The following PCA3 variants were observed in gnomAD, a reference collection of about 807,000 sequenced individuals.
The protein encoded by PCA3 is prostate cancer associated 3.
At chr9:76,781,626 CTTAAA>C (rs1414679289) in intron 2 of PCA3, among the ~76,000 whole-genome samples, 2 of 152,182 alleles carry the variant, frequency 1.3e-5, no homozygotes, top group African/African-American at 4.8e-5. Flanking sequence ...CTTCATAGCA[CTTAAA>C]TTAGTTTGAA....
At chr9:76,766,675 CTCG>C (rs1270166218) in intron 2 of PCA3, among the ~76,000 whole-genome samples, 1 of 152,108 alleles carries the variant, frequency 6.6e-6, no homozygotes, top group East Asian at 1.9e-4. Flanking sequence ...TCCAGTCACA[CTCG>C]TCTTCTTCAA....
chr9:76,784,922 T>G (rs1350641304), intron 2 of PCA3: 1 of 152,248 alleles, frequency 6.6e-6, no homozygotes, highest in Non-Finnish European at 1.5e-5. Flanking sequence ...TAACTTTTTT[T>G]TTTAACCTGG....
chr9:76,765,540 A>G lies in PCA3; in HGVS notation n.852+28925A>G, dbSNP rs1355056299. On this transcript the variant is annotated intron_variant and non_coding_transcript_variant, in intron 2 of 5. Transcript: ENST00000644657. ...ATAATTGCATTCTAGCAATTAGCAC[A>G]CTGTCTGATGGGGAGGTGGCTCAAT... Among the ~76,000 whole-genome samples, 3 of 152,184 alleles carry G rather than the reference A, an allele frequency of 2.0e-5. No homozygotes were observed. In the East Asian group the frequency reaches 5.8e-4, roughly 29 times the overall value.
chr9:76,786,188 G>T (rs980010015), intron 2 of PCA3: 3 of 151,978 alleles, frequency 2.0e-5, no homozygotes, highest in African/African-American at 4.8e-5. Context: ...GACAGCTCAG[G>T]TGCTTTCACT....
At chr9:76,768,278 C>T (rs903167509) in intron 2 of PCA3, among the ~76,000 whole-genome samples, 22 of 152,108 alleles carry the variant, frequency 1.4e-4, no homozygotes, top group Admixed American at 6.6e-4. Context: ...CTGCAACCTC[C>T]GCCTCCTGGG....
intron 2 of PCA3, among the ~76,000 whole-genome samples, chr9:76,768,573 A>ATGTGTGTGTG (rs1281648480): frequency 8.4e-6 from 1 of 118,744 alleles, no homozygotes; most frequent in South Asian, 2.6e-4. Flanking sequence ...TGATATATAT[A>ATGTGTGTGTG]TGTATATGTA....
chr9:76,774,450 C>CTTTTTTTATTTATTTATTTATTTTTTT (rs1564272256), intron 2 of PCA3, among the ~76,000 whole-genome samples: 17 of 41,394 alleles, frequency 4.1e-4, no homozygotes, highest in East Asian at 2.1e-3. Flanking sequence ...CAGTTCAACC[C>CTTTTTTTATTTATTTATTTATTTTTTT]TTTTTTTTTT....
intron 2 of PCA3, chr9:76,787,363 G>C (rs1344204625): frequency 6.6e-6 from 1 of 150,716 alleles, no homozygotes; most frequent in Admixed American, 6.6e-5. Context: ...TATTTTTATT[G>C]CTGACTTTTA....
At chr9:76,766,302 C>A (rs995736962) in intron 2 of PCA3, among the ~76,000 whole-genome samples, 5 of 151,952 alleles carry the variant, frequency 3.3e-5, no homozygotes, top group Non-Finnish European at 5.9e-5. Flanking sequence ...TATGTTCACT[C>A]CCCAGGCAAA....
In PCA3 at chr9:76,771,885, T is replaced by C. The variant is rs900016173; in HGVS notation, n.852+35270T>C. Among the ~76,000 whole-genome samples, 3 of 152,186 alleles carry C rather than the reference T, an allele frequency of 2.0e-5. No homozygotes were observed. The East Asian group carries it at 5.8e-4, about 29-fold the overall frequency. ...CCCTAAGTGAGAAAGGAAAAGCCAC[T>C]CTGGCTTATTTGACAAAAAGCAGAA... On this transcript the variant is annotated intron_variant and non_coding_transcript_variant, in intron 2 of 5. Transcript: ENST00000644657.
chr9:76,774,933 C>T (rs1261869282), intron 2 of PCA3, among the ~76,000 whole-genome samples: 9 of 152,082 alleles, frequency 5.9e-5, no homozygotes, highest in Non-Finnish European at 1.0e-4. Context: ...CTTCTATTTC[C>T]TCATCTATGT....
chr9:76,767,762 A>G (rs2052578457), intron 2 of PCA3, among the ~76,000 whole-genome samples: 1 of 152,124 alleles, frequency 6.6e-6, no homozygotes, highest in East Asian at 1.9e-4. Flanking sequence ...GCACAAGTCT[A>G]TCCAGGGGTG....
At chr9:76,776,262 G>C (rs1361860) in intron 2 of PCA3, among the ~76,000 whole-genome samples, 68,347 of 151,820 alleles carry the variant, frequency 0.45, 15,724 homozygotes, top group East Asian at 0.67. Context: ...TACCCAATGG[G>C]TAATTTTTCA....
chr9:76,774,193 TG>T (rs1405804424), intron 2 of PCA3, among the ~76,000 whole-genome samples: 2 of 152,158 alleles, frequency 1.3e-5, no homozygotes, highest in Non-Finnish European at 2.9e-5. Flanking sequence ...TGGAGTGCAG[TG>T]GCACAATCAT....
At chr9:76,774,450 C>CTTTT (rs869289049) in intron 2 of PCA3, among the ~76,000 whole-genome samples, 3 of 41,400 alleles carry the variant, frequency 7.2e-5, no homozygotes, top group Admixed American at 2.5e-4. Flanking sequence ...CAGTTCAACC[C>CTTTT]TTTTTTTTTT....
chr9:76,781,981 G>A (rs1399435714), intron 2 of PCA3, among the ~76,000 whole-genome samples: 4 of 152,106 alleles, frequency 2.6e-5, no homozygotes, highest in East Asian at 1.9e-4. Flanking sequence ...TTGGGAGGCC[G>A]AAGCAGGTGG....
chr9:76,767,958 A>T (rs2052604001), intron 2 of PCA3, among the ~76,000 whole-genome samples: 1 of 152,176 alleles, frequency 6.6e-6, no homozygotes, highest in East Asian at 1.9e-4. Flanking sequence ...TAATAATTGT[A>T]CATTCACATC....
chr9:76,764,707 A>G (rs1003519531), intron 2 of PCA3, among the ~76,000 whole-genome samples: 3 of 152,224 alleles, frequency 2.0e-5, no homozygotes, highest in Admixed American at 2.0e-4. Context: ...GGACAGCAGA[A>G]GGGTAGGAGC....
rs865945398 is a variant in PCA3 at position 76,774,322 on chromosome 9, A to C, written n.853-34261A>C. On this transcript the variant is annotated intron_variant and non_coding_transcript_variant, in intron 2 of 5. Transcript: ENST00000644657. ...AGTTAATTTTTTGTATTTTTTTGTAAAGATGGGGTTTCACCATGTTGCCCA... is the reference window on the plus strand; with the variant it reads ...AGTTAATTTTTTGTATTTTTTTGTACAGATGGGGTTTCACCATGTTGCCCA... Among the ~76,000 whole-genome samples, 10 of 151,432 alleles carry C rather than the reference A, an allele frequency of 6.6e-5. No individual in the cohort carries two copies. In the Middle Eastern group the frequency reaches 0.014, roughly 206 times the overall value.
Sources: gnomAD v4.1 joint callset for allele counts (sites outside exome capture counted in the v4.1 genomes callset) on GRCh38, gnomAD v4.1.1 for gene constraint, MANE v1.5 for transcripts, NCBI Gene and HGNC (gene_info 2026-07-23, HGNC 2026-07-21) for gene names.